The following FOXP1 variants were observed in gnomAD, a reference collection of about 807,000 sequenced individuals.
FOXP1 encodes the protein forkhead box protein P1.
A neutral mutation model predicts 98.2 loss-of-function variants in FOXP1; 15 were observed. That is an observed-to-expected ratio of 0.15 (90% CI 0.10 to 0.24). The LOEUF (loss-of-function observed/expected upper bound fraction) is 0.24, where lower values mean the gene tolerates loss of function less well. Among genes scored for constraint, FOXP1 ranks in the 10% least tolerant of loss-of-function variants. The pLI is 1.00. For missense variants in FOXP1, 633 were observed against 848.5 expected (o/e 0.75, Z 3.15); for synonymous variants, 371 against 314.5 (o/e 1.18, Z -1.90).
At chr3:70,964,260 G>T (rs1016311479) in intron 20 of FOXP1, among the ~76,000 whole-genome samples, 3 of 152,156 alleles carry the variant, frequency 2.0e-5, no homozygotes, top group African/African-American at 4.8e-5. Flanking sequence ...AAAGACTATT[G>T]TAAAACATGG....
At chr3:71,103,309 G>A (rs778663321) in intron 7 of FOXP1, among the ~76,000 whole-genome samples, 1 of 152,124 alleles carries the variant, frequency 6.6e-6, no homozygotes, top group Non-Finnish European at 1.5e-5. Flanking sequence ...TTCTCTAATT[G>A]CTTATTTTCA....
chr3:70,977,028 A>G lies in FOXP1; in HGVS notation c.1443T>C (p.Ser481=). The G allele has an allele frequency of 1.2e-6, 2 of 1,613,032 alleles. No individual in the cohort carries two copies. The highest frequency in any genetic ancestry group is 1.7e-6 in the Non-Finnish European group (2 of 1,178,944). The change falls in exon 17 of 21, where the codon TCT becomes TCC. Residue 481 remains serine (S), a synonymous_variant. Transcript: ENST00000649528. The part of the protein sequence containing the change: ...ASLIRQAILE[S]PEKQLTLNEI... Reference sequence around the variant, plus strand: ...CATTTAGTGTTAGCTGCTTTTCTGGAGATTCGAGAATGGCCTGTGAAGCAG... The same window carrying G: ...CATTTAGTGTTAGCTGCTTTTCTGGGGATTCGAGAATGGCCTGTGAAGCAG...
intron 5 of FOXP1, among the ~76,000 whole-genome samples, chr3:71,281,148 G>A (rs796178417): frequency 3.3e-5 from 5 of 151,528 alleles, no homozygotes; most frequent in African/African-American, 9.7e-5. Context: ...AGGATCACCT[G>A]AGCCCAGGGA....
chr3:71,251,866 G>A (rs1038389725), intron 5 of FOXP1, among the ~76,000 whole-genome samples: 9 of 152,150 alleles, frequency 5.9e-5, no homozygotes, highest in Admixed American at 1.3e-4. Context: ...CAAGTATGAA[G>A]TGTTATCCAT....
At chr3:71,390,391 C>T (rs561354083) in intron 3 of FOXP1, among the ~76,000 whole-genome samples, 5 of 152,240 alleles carry the variant, frequency 3.3e-5, no homozygotes, top group South Asian at 4.1e-4. Flanking sequence ...TATCTCAGTG[C>T]GACATGCAAC....
chr3:71,394,887 G>A (rs1206418430), intron 3 of FOXP1, among the ~76,000 whole-genome samples: 1 of 152,046 alleles, frequency 6.6e-6, no homozygotes, highest in African/African-American at 2.4e-5. Flanking sequence ...GATCACCTGA[G>A]GTCGGGAGTT....
chr3:71,320,461 G>C (rs1229000117), intron 4 of FOXP1, among the ~76,000 whole-genome samples: 2 of 151,726 alleles, frequency 1.3e-5, no homozygotes, highest in Non-Finnish European at 2.9e-5. Context: ...GTATTGCTCT[G>C]CCCTCTTTCA....
At chr3:71,190,474 CAA>C (rs10713146) in intron 6 of FOXP1, among the ~76,000 whole-genome samples, 2 of 146,046 alleles carry the variant, frequency 1.4e-5, no homozygotes, top group East Asian at 4.0e-4. Flanking sequence ...AAAACAACAA[CAA>C]AAAAAAAACA....
intron 2 of FOXP1, among the ~76,000 whole-genome samples, chr3:71,508,554 ATCAGGGCTCACAGATCC>A (rs2041987872): frequency 6.6e-6 from 1 of 152,164 alleles, no homozygotes; most frequent in Non-Finnish European, 1.5e-5. Context: ...CAGGGCTTGG[ATCAGGGCTCACAGATCC>A]TGAGGGCTCT....
At chr3:71,110,117 G>A (rs1483815839) in intron 7 of FOXP1, among the ~76,000 whole-genome samples, 1 of 152,006 alleles carries the variant, frequency 6.6e-6, no homozygotes, top group Non-Finnish European at 1.5e-5. Context: ...ACTTCTGCAT[G>A]GTGGCTAAAA....
chr3:71,511,815 T>C lies in FOXP1; in HGVS notation c.-297-18260A>G, dbSNP rs972439218. 1.1e-4 allele frequency among the ~76,000 whole-genome samples: 16 copies of C among 152,220 alleles called. 2 individuals are homozygous for C. The highest frequency in any genetic ancestry group is 9.2e-4 in the Admixed American group (14 of 15,280). ...AAAGAGAAACTTGAATGGATAAATATATTCATGTGTAGATTTCAAAGCCAT... is the reference window on the plus strand; with the variant it reads ...AAAGAGAAACTTGAATGGATAAATACATTCATGTGTAGATTTCAAAGCCAT... On this transcript the variant is annotated intron_variant, in intron 2 of 20. Coordinates refer to ENST00000649528, the MANE Select transcript of FOXP1 (RefSeq NM_001349338.3).
At chr3:71,307,189 A>G (rs543934238) in intron 4 of FOXP1, among the ~76,000 whole-genome samples, 2 of 152,352 alleles carry the variant, frequency 1.3e-5, no homozygotes, top group South Asian at 4.1e-4. Context: ...GGATGTGTCC[A>G]TATTATTACT....
intron 2 of FOXP1, among the ~76,000 whole-genome samples, chr3:71,562,081 C>A (rs1331860610): frequency 6.6e-6 from 1 of 152,146 alleles, no homozygotes; most frequent in Non-Finnish European, 1.5e-5. Flanking sequence ...CCAAGACTCT[C>A]CAACCAAGTC....
Position 71,483,803 on chromosome 3 carries a change from G to A in FOXP1, c.-168+9623C>T, listed in dbSNP as rs141373391. ...GCCTCCCACCATCACACACATACAC[G>A]AACTTTTTTTTAATTACAAAAGTTT... On this transcript the variant is annotated intron_variant, in intron 3 of 20. Transcript: ENST00000649528. Among the ~76,000 whole-genome samples, 1,124 of 151,352 alleles carry A rather than the reference G, an allele frequency of 7.4e-3. 16 individuals carry two copies. Among genetic ancestry groups the A allele is most frequent in the African/African-American group, 0.026 (1,083 of 41,198 alleles).
At chr3:71,313,388 G>T (rs758687158) in intron 4 of FOXP1, among the ~76,000 whole-genome samples, 1 of 151,950 alleles carries the variant, frequency 6.6e-6, no homozygotes, top group Non-Finnish European at 1.5e-5. Context: ...CAGTACAACA[G>T]GCTGCAAGTG....
rs372851952 is a variant in FOXP1 at position 70,985,696 on chromosome 3, T to C, written c.1146+2298A>G. Among the ~76,000 whole-genome samples the C allele has an allele frequency of 6.6e-5, 10 of 152,282 alleles. No individual in the cohort carries two copies. The East Asian group carries it at 1.2e-3, about 18-fold the overall frequency. The stretch of plus-strand genomic sequence containing the variant: ...TCATACACAAATGTGATCTTTTTTT[T>C]TTTCAAAGGGTAATACAACAGTACA... On this transcript the variant is annotated intron_variant, in intron 14 of 20. Transcript: ENST00000649528.
chr3:71,534,146 C>G (rs1344012944), intron 2 of FOXP1, among the ~76,000 whole-genome samples: 1 of 152,108 alleles, frequency 6.6e-6, no homozygotes, highest in Non-Finnish European at 1.5e-5. Context: ...GGCGGATGAC[C>G]TGAGGTCAGG....
chr3:71,433,350 A>G (rs573834089), intron 3 of FOXP1, among the ~76,000 whole-genome samples: 1 of 152,346 alleles, frequency 6.6e-6, no homozygotes, highest in South Asian at 2.1e-4. Flanking sequence ...TTGTCTCTAA[A>G]TGTATAAACA....
At chr3:71,087,403 A>C (rs2055247678) in intron 7 of FOXP1, among the ~76,000 whole-genome samples, 1 of 152,226 alleles carries the variant, frequency 6.6e-6, no homozygotes, top group Admixed American at 6.5e-5. Flanking sequence ...ATTATGCAAC[A>C]TATTGATGTA....
Sources: allele counts gnomAD v4.1 joint callset (sites outside exome capture counted in the v4.1 genomes callset), GRCh38; gene constraint gnomAD v4.1.1; transcripts MANE v1.5; gene names NCBI Gene and HGNC (gene_info 2026-07-23, HGNC 2026-07-21).